KLRG1: variants seen among roughly 807,000 people sequenced by gnomAD.
KLRG1 encodes the protein killer cell lectin like receptor G1.
A neutral mutation model predicts 21.8 loss-of-function variants in KLRG1; 16 were observed. The observed-to-expected ratio is 0.73, with a 90% CI of 0.50 to 1.11. The LOEUF (loss-of-function observed/expected upper bound fraction) is 1.11. Ranked by LOEUF, KLRG1 falls within the 50% of genes most tolerant of loss-of-function variation. The pLI is 0.00. For synonymous variants in KLRG1, 69 were observed against 75.9 expected (o/e 0.91, Z 0.47); for missense variants, 173 against 218.3 (o/e 0.79, Z 1.31).
At chr12:9,026,630 GT>G in the KLRG1 span, among the ~76,000 whole-genome samples, 5 of 152,102 alleles carry the variant, frequency 3.3e-5, no homozygotes, top group South Asian at 1.0e-3. Flanking sequence ...TTTCCTCTGA[GT>G]TACATGTTTA....
downstream of KLRG1, among the ~76,000 whole-genome samples, chr12:9,011,018 C>CA (rs1400754262): frequency 6.6e-6 from 1 of 152,118 alleles, no homozygotes; most frequent in African/African-American, 2.4e-5. Flanking sequence ...TAGTGACTCT[C>CA]AATTAAGGAT....
the KLRG1 span, chr12:9,057,755 G>A: frequency 1.3e-5 from 2 of 152,480 alleles, no homozygotes; most frequent in Non-Finnish European, 2.9e-5. Context: ...TGCGGAACCA[G>A]GGAGGCCTCA....
At chr12:9,101,728 T>G in the KLRG1 span, 1 of 1,386,088 alleles carries the variant, frequency 7.2e-7, no homozygotes, top group Non-Finnish European at 9.9e-7. Context: ...TAAAGATTAA[T>G]GTTCTCACAA....
At chr12:9,106,486 C>G in the KLRG1 span, 2 of 1,574,698 alleles carry the variant, frequency 1.3e-6, no homozygotes, top group South Asian at 2.3e-5. Context: ...ATGTAGTACA[C>G]AAACCTGTTC....
At chr12:9,092,947 T>A in the KLRG1 span, among the ~76,000 whole-genome samples, 4 of 152,326 alleles carry the variant, frequency 2.6e-5, no homozygotes, top group East Asian at 7.7e-4. Context: ...ATCCTGCCAC[T>A]TGTGACAACA....
At chr12:9,112,281 T>G in the KLRG1 span, 1 of 1,606,886 alleles carries the variant, frequency 6.2e-7, no homozygotes, top group African/African-American at 1.3e-5. Context: ...GACAAGCTAT[T>G]AAGGAACCAA....
At position 8,974,462 on chromosome 12, in the gene KLRG1, C is replaced by T. The variant is rs763090118; in HGVS notation, c.-155-17744C>T. Among the ~76,000 whole-genome samples, 15 of 152,212 alleles carry T rather than the reference C, an allele frequency of 9.9e-5. No individual in the cohort carries two copies. The South Asian group carries it at 2.7e-3, about 27-fold the overall frequency. On this transcript the variant is annotated intron_variant, in intron 1 of 4. Coordinates refer to the KLRG1 transcript ENST00000539240. ...GATTACAGGCGTGAGCCACTGCGCC[C>T]GGCTGTCTCAGTTTTTTCTGTATTG... is the stretch of plus-strand genomic sequence containing the variant.
the KLRG1 span, chr12:9,068,046 G>A: frequency 9.0e-7 from 1 of 1,112,238 alleles, no homozygotes; most frequent in Non-Finnish European, 1.3e-6. Context: ...CAATAAATGT[G>A]TTTTTCTATA....
rs112576720 is a variant in KLRG1, at chr12:9,009,237, CAAAA to C, written c.459-175_459-172del. ...GAAGGGAATGAACAATGGGTAAGGG[CAAAA>C]AAAAAAAAAAAAAGGATAACATTTT... On this transcript the variant is annotated intron_variant, in intron 4 of 4. Coordinates refer to ENST00000356986, the MANE Select transcript of KLRG1 (RefSeq NM_005810.4). 6.2e-3 allele frequency among the ~76,000 whole-genome samples: 669 copies of C among 107,852 alleles called. 16 individuals are homozygous for C. Among genetic ancestry groups the C allele is most frequent in the Admixed American group, 0.043 (474 of 11,090 alleles). The allele number at this position is 107,852 out of a possible 152,430, so 70.8% of individuals were successfully genotyped here. A position where few individuals can be genotyped will look rare whatever the true frequency, so the allele number is the denominator to read the frequency against.
At chr12:9,135,709 A>G in the KLRG1 span, 1 of 187,404 alleles carries the variant, frequency 5.3e-6, no homozygotes, top group Admixed American at 6.4e-5. Flanking sequence ...ATCCGGCACA[A>G]GATAGAGTGG....
At chr12:9,197,850 ATAT>A in the KLRG1 span, among the ~76,000 whole-genome samples, 1 of 116,414 alleles carries the variant, frequency 8.6e-6, no homozygotes, top group South Asian at 2.3e-4. Context: ...ATAATATATA[ATAT>A]TAATTATATA....
At chr12:9,033,441 T>G in the KLRG1 span, among the ~76,000 whole-genome samples, 1 of 145,866 alleles carries the variant, frequency 6.9e-6, no homozygotes, top group Admixed American at 6.8e-5. Context: ...TGAGACTCTT[T>G]AAAAAAAAAA....
intron 1 of KLRG1, among the ~76,000 whole-genome samples, chr12:8,951,432 A>T (rs1946202631): frequency 6.6e-6 from 1 of 152,250 alleles, no homozygotes; most frequent in East Asian, 1.9e-4. Context: ...TCTTGCCACT[A>T]CCCTCCAGCC....
chr12:9,110,379 T>C, the KLRG1 span: 4 of 1,227,260 alleles, frequency 3.3e-6, no homozygotes, highest in African/African-American at 6.2e-5. Flanking sequence ...TTTTCAAATA[T>C]TCTTAAATCT....
upstream of KLRG1, among the ~76,000 whole-genome samples, chr12:8,987,740 A>G (rs1313504862): frequency 6.6e-6 from 1 of 152,174 alleles, no homozygotes; most frequent in Non-Finnish European, 1.5e-5. Context: ...TCCTCATATA[A>G]GTGGAATCAC....
At chr12:9,177,989 G>C in the KLRG1 span, among the ~76,000 whole-genome samples, 4 of 152,152 alleles carry the variant, frequency 2.6e-5, no homozygotes, top group Admixed American at 6.5e-5. Flanking sequence ...TTAACTTCTT[G>C]TTGTTTCTTC....
intron 1 of KLRG1, among the ~76,000 whole-genome samples, chr12:8,970,719 C>A (rs749314639): frequency 6.6e-6 from 1 of 152,278 alleles, no homozygotes; most frequent in South Asian, 2.1e-4. Flanking sequence ...CAATATTTCA[C>A]CTTAAGTGTG....
At chr12:8,973,178 A>G (rs1215498458) in intron 1 of KLRG1, among the ~76,000 whole-genome samples, 1 of 151,362 alleles carries the variant, frequency 6.6e-6, no homozygotes, top group Admixed American at 6.6e-5. Context: ...AAAAAAAAAA[A>G]AAAAAAAAAA....
At chr12:9,101,402 A>G in the KLRG1 span, 1 of 1,503,540 alleles carries the variant, frequency 6.7e-7, no homozygotes, top group Non-Finnish European at 9.2e-7. Flanking sequence ...CTCCACAGAG[A>G]GCTTTTGTCT....
Sources: gnomAD v4.1 joint callset for allele counts (sites outside exome capture counted in the v4.1 genomes callset) on GRCh38, gnomAD v4.1.1 for gene constraint, MANE v1.5 for transcripts, NCBI Gene and HGNC (gene_info 2026-07-23, HGNC 2026-07-21) for gene names.